Variants in PRDM5 observed in about 807,000 individuals in gnomAD.
PRDM5 encodes the protein PR domain zinc finger protein 5.
PRDM5 carries 56 observed loss-of-function variants against 81.2 expected under a neutral mutation model. The ratio of observed to expected loss-of-function variants is 0.69; its 90% CI spans 0.56 to 0.86. The LOEUF is 0.86. Ranked by LOEUF, PRDM5 falls within the 40% of genes least tolerant of loss-of-function variation. The pLI is 0.00. For synonymous variants in PRDM5, 267 were observed against 256.4 expected (o/e 1.04, Z -0.39); for missense variants, 697 against 770.1 (o/e 0.91, Z 1.12).
chr4:120,919,388 T>A (rs1258762236), intron 1 of PRDM5, among the ~76,000 whole-genome samples: 1 of 152,196 alleles, frequency 6.6e-6, no homozygotes, highest in Non-Finnish European at 1.5e-5. Context: ...TGACTGAAAG[T>A]CAGAGAAGAA....
chr4:120,769,504 T>C (rs971446191), intron 13 of PRDM5, among the ~76,000 whole-genome samples: 2 of 152,136 alleles, frequency 1.3e-5, no homozygotes, highest in Middle Eastern at 3.2e-3. Flanking sequence ...CGGTAGTTGA[T>C]AAGTCTCATG....
chr4:120,767,272 T>TA (rs148104295), intron 13 of PRDM5, among the ~76,000 whole-genome samples: 20 of 150,224 alleles, frequency 1.3e-4, no homozygotes, highest in Middle Eastern at 6.8e-3. Flanking sequence ...ACACTTGTTT[T>TA]AAAAAAAAAA....
intron 15 of PRDM5, among the ~76,000 whole-genome samples, chr4:120,709,075 A>G (rs1560927144): frequency 6.6e-6 from 1 of 152,196 alleles, no homozygotes; most frequent in East Asian, 1.9e-4. Flanking sequence ...AAAACATAAC[A>G]TGATGGTTCA....
chr4:120,719,608 T>G (rs1471915105), intron 14 of PRDM5, among the ~76,000 whole-genome samples: 1 of 152,232 alleles, frequency 6.6e-6, no homozygotes, highest in African/African-American at 2.4e-5. Context: ...TATATAAAGA[T>G]GTCTACGTCA....
intron 14 of PRDM5, among the ~76,000 whole-genome samples, chr4:120,740,157 A>C (rs146913838): frequency 5.3e-5 from 8 of 152,300 alleles, no homozygotes; most frequent in Admixed American, 2.0e-4. Flanking sequence ...AAAATTCCCC[A>C]AGAAATATAT....
At chr4:120,825,077 T>C (rs2597540) in intron 3 of PRDM5, among the ~76,000 whole-genome samples, 38,371 of 152,084 alleles carry the variant, frequency 0.25, 5,628 homozygotes, top group East Asian at 0.35. Context: ...AGCAGGACTT[T>C]GGGATGCTCA....
chr4:120,784,941 TA>T (rs1749549603), intron 11 of PRDM5, 56 bp downstream of exon 11: 7 of 1,398,474 alleles, frequency 5.0e-6, no homozygotes, highest in Non-Finnish European at 6.1e-6. Context: ...TCAAAGGTTA[TA>T]AAAACAAAGT....
chr4:120,687,871 G>T (rs1441485483), downstream of PRDM5, among the ~76,000 whole-genome samples: 1 of 152,108 alleles, frequency 6.6e-6, no homozygotes, highest in African/African-American at 2.4e-5. Flanking sequence ...ATCCTTGCCA[G>T]TGCTTGCACT....
chr4:120,834,447 C>T (rs184354593), intron 3 of PRDM5, among the ~76,000 whole-genome samples: 87 of 152,206 alleles, frequency 5.7e-4, no homozygotes, highest in Non-Finnish European at 8.4e-4. Flanking sequence ...AGCAGGCCCT[C>T]GTCAGACAAC....
At chr4:120,701,853 A>G (rs1735421915) in intron 15 of PRDM5, among the ~76,000 whole-genome samples, 2 of 152,146 alleles carry the variant, frequency 1.3e-5, no homozygotes, top group Non-Finnish European at 1.5e-5. Context: ...TCAAAGAGGT[A>G]ATTTTTTCTT....
At chr4:120,741,863 C>T (rs1166633712) in intron 14 of PRDM5, among the ~76,000 whole-genome samples, 1 of 152,192 alleles carries the variant, frequency 6.6e-6, no homozygotes, top group Non-Finnish European at 1.5e-5. Context: ...GGGTGCCCAC[C>T]ATTGCCCAGG....
intron 15 of PRDM5, among the ~76,000 whole-genome samples, chr4:120,704,729 T>C (rs1394214196): frequency 1.3e-5 from 2 of 151,990 alleles, no homozygotes; most frequent in African/African-American, 4.8e-5. Context: ...GTGCAGTCCA[T>C]GGCTTGGAGA....
chr4:120,726,872 T>C (rs371350971), intron 14 of PRDM5, among the ~76,000 whole-genome samples: 12 of 152,314 alleles, frequency 7.9e-5, no homozygotes, highest in South Asian at 4.1e-4. Flanking sequence ...AGCCACAGCA[T>C]TGGCAATGGC....
intron 2 of PRDM5, among the ~76,000 whole-genome samples, chr4:120,861,730 G>A (rs1271485755): frequency 6.6e-6 from 1 of 151,306 alleles, no homozygotes; most frequent in Non-Finnish European, 1.5e-5. Context: ...CCAGGGAGGT[G>A]AAAGCTGCAG....
At chr4:120,839,476 A>T (rs1757744354) in intron 3 of PRDM5, among the ~76,000 whole-genome samples, 1 of 152,164 alleles carries the variant, frequency 6.6e-6, no homozygotes, top group Admixed American at 6.5e-5. Context: ...TTCAGTTCTC[A>T]GCAGAGAGGG....
At chr4:120,907,729 T>C (rs983716057) in intron 1 of PRDM5, among the ~76,000 whole-genome samples, 172 bp from the exon 2 acceptor site, 1 of 152,256 alleles carries the variant, frequency 6.6e-6, no homozygotes, top group African/African-American at 2.4e-5. Flanking sequence ...ACAATCCAAC[T>C]TAATCTGTTT....
In PRDM5 at chr4:120,790,954, C is replaced by A. The variant is rs967447547; in HGVS notation, c.1189-5863G>T. Among the ~76,000 whole-genome samples, 3 of 145,808 alleles carry A rather than the reference C, an allele frequency of 2.1e-5. No individual in the cohort carries two copies. In the South Asian group the frequency reaches 6.3e-4, roughly 31 times the overall value. ...CAAGACCTTGTCAAAAACAAACAAA[C>A]AAAAAAACAGAAAAACACACATACA... On this transcript the variant is annotated intron_variant, in intron 10 of 15. Transcript: ENST00000264808.
chr4:120,764,486 T>A (rs1746092051), intron 13 of PRDM5, among the ~76,000 whole-genome samples: 1 of 152,010 alleles, frequency 6.6e-6, no homozygotes, highest in Non-Finnish European at 1.5e-5. Context: ...AAATAGATAA[T>A]CATATTACTA....
intron 2 of PRDM5, among the ~76,000 whole-genome samples, chr4:120,869,385 G>C (rs978394213): frequency 1.3e-5 from 2 of 152,174 alleles, no homozygotes; most frequent in African/African-American, 2.4e-5. Context: ...ATTCATGCAA[G>C]TGGTTTTCAC....
Sources: allele counts gnomAD v4.1 joint callset (sites outside exome capture counted in the v4.1 genomes callset), GRCh38; gene constraint gnomAD v4.1.1; transcripts MANE v1.5; gene names NCBI Gene and HGNC (gene_info 2026-07-23, HGNC 2026-07-21).